N4BP2L1: variants seen among roughly 807,000 people sequenced by gnomAD.
N4BP2L1 encodes NEDD4-binding protein 2-like 1.
Under a neutral mutation model 21.2 loss-of-function variants are expected in N4BP2L1, and 12 were observed. The observed-to-expected ratio is 0.57, with a 90% CI of 0.36 to 0.92. N4BP2L1 has a LOEUF of 0.92. Among genes scored for constraint, N4BP2L1 ranks in the 40% least tolerant of loss-of-function variants. The pLI is 0.01. For missense variants in N4BP2L1, 259 were observed against 310.6 expected (o/e 0.83, Z 1.25); for synonymous variants, 104 against 112.8 (o/e 0.92, Z 0.49).
rs2074814355 is a variant in N4BP2L1, at chr13:32,427,142, G to GGGCC, written c.179+758_179+761dup. The stretch of plus-strand genomic sequence containing the variant: ...TAATTCCCAGAGGTTGGGTACCGGA[G>GGGCC]GGCCGCTTACGCAATTCGCAAGTGA... On this transcript the variant is annotated intron_variant, in intron 1 of 4. Coordinates refer to ENST00000380130, the MANE Select transcript of N4BP2L1 (RefSeq NM_052818.3). Among the ~76,000 whole-genome samples the GGGCC allele has an allele frequency of 2.6e-5, 4 of 152,372 alleles. No individual in the cohort carries two copies. The South Asian group carries it at 8.3e-4, about 32-fold the overall frequency.
intron 3 of N4BP2L1, chr13:32,407,024 A>C: frequency 1.8e-6 from 1 of 549,540 alleles, no homozygotes; most frequent in Non-Finnish European, 3.2e-6. Flanking sequence ...CCATTTGCCA[A>C]GGACTATTTT....
At chr13:32,421,026 A>T (rs1285097156) in intron 1 of N4BP2L1, among the ~76,000 whole-genome samples, 4 of 152,224 alleles carry the variant, frequency 2.6e-5, no homozygotes, top group South Asian at 4.1e-4. Flanking sequence ...TTATGTGAAT[A>T]ATCTGCCCTT....
chr13:32,428,832 C>T (rs1222833081), upstream of N4BP2L1, among the ~76,000 whole-genome samples: 8 of 152,212 alleles, frequency 5.3e-5, no homozygotes, highest in Admixed American at 5.2e-4. Context: ...CTTTCAGATC[C>T]CCGGGGAAAG....
At chr13:32,405,703 C>T (rs1366430051) in intron 3 of N4BP2L1, among the ~76,000 whole-genome samples, 1 of 152,074 alleles carries the variant, frequency 6.6e-6, no homozygotes, top group Non-Finnish European at 1.5e-5. Context: ...CAAAGCCCCA[C>T]AATCTGGGCA....
intron 1 of N4BP2L1, among the ~76,000 whole-genome samples, chr13:32,418,204 C>T (rs368537715): frequency 6.6e-6 from 1 of 152,344 alleles, no homozygotes; most frequent in East Asian, 1.9e-4. Flanking sequence ...CTGGGCCCCC[C>T]TGCTGTGTGC....
intron 1 of N4BP2L1, among the ~76,000 whole-genome samples, chr13:32,423,949 C>T (rs747375209): frequency 2.6e-5 from 4 of 152,154 alleles, no homozygotes; most frequent in Non-Finnish European, 5.9e-5. Context: ...AACCGGAAGG[C>T]ATTTTAACAC....
chr13:32,418,063 C>T (rs1401797054), intron 1 of N4BP2L1, among the ~76,000 whole-genome samples: 1 of 152,174 alleles, frequency 6.6e-6, no homozygotes, highest in African/African-American at 2.4e-5. Flanking sequence ...GCCTAAGTAA[C>T]GAGGAGCCAA....
intron 1 of N4BP2L1, chr13:32,411,885 G>A: frequency 1.7e-6 from 1 of 577,538 alleles, no homozygotes; most frequent in African/African-American, 2.0e-5. Context: ...TTTTTTACTA[G>A]GGAAATTTTC....
intron 4 of N4BP2L1, among the ~76,000 whole-genome samples, 193 bp from the exon 5 acceptor site, chr13:32,403,393 C>T (rs546808330): frequency 6.6e-6 from 1 of 152,156 alleles, no homozygotes; most frequent in African/African-American, 2.4e-5. Context: ...CCCTGCACAC[C>T]CCCAAACCAC....
chr13:32,418,278 T>C (rs1394249228), intron 1 of N4BP2L1, among the ~76,000 whole-genome samples: 1 of 152,218 alleles, frequency 6.6e-6, no homozygotes, highest in Non-Finnish European at 1.5e-5. Flanking sequence ...AAGGGGTCAA[T>C]GTACAGCTCA....
intron 1 of N4BP2L1, chr13:32,425,521 C>T (rs559557329): frequency 6.6e-6 from 1 of 150,748 alleles, no homozygotes; most frequent in South Asian, 2.1e-4. Context: ...GTAACTAACA[C>T]CTCTTAAAAT....
At chr13:32,422,799 G>A (rs1432127717) in intron 1 of N4BP2L1, among the ~76,000 whole-genome samples, 1 of 152,088 alleles carries the variant, frequency 6.6e-6, no homozygotes, top group Non-Finnish European at 1.5e-5. Flanking sequence ...GTGAGGAGAG[G>A]AGATTTAGGA....
chr13:32,413,989 C>T (rs536398925), intron 1 of N4BP2L1, among the ~76,000 whole-genome samples: 6 of 149,328 alleles, frequency 4.0e-5, no homozygotes, highest in African/African-American at 1.5e-4. Context: ...TCAAGCGATT[C>T]TCCTGCCTCA....
At chr13:32,403,818 G>A in intron 4 of N4BP2L1, 2 of 496,938 alleles carry the variant, frequency 4.0e-6, no homozygotes, top group Non-Finnish European at 8.2e-6. Flanking sequence ...TACCTCACTG[G>A]CTATTTTAAG....
At chr13:32,406,098 A>G (rs1481454427) in intron 3 of N4BP2L1, among the ~76,000 whole-genome samples, 1 of 148,352 alleles carries the variant, frequency 6.7e-6, no homozygotes, top group African/African-American at 2.5e-5. Context: ...TTTAGTAGAG[A>G]CGGGGTTTCA....
upstream of N4BP2L1, among the ~76,000 whole-genome samples, chr13:32,429,485 T>G (rs905384284): frequency 1.3e-5 from 2 of 152,238 alleles, no homozygotes; most frequent in Non-Finnish European, 2.9e-5. Context: ...CTATCATAAT[T>G]TGCCCAGCTT....
chr13:32,406,295 G>A (rs2073500025), intron 3 of N4BP2L1, among the ~76,000 whole-genome samples: 1 of 151,976 alleles, frequency 6.6e-6, no homozygotes, highest in Admixed American at 6.6e-5. Context: ...GATGGAATAT[G>A]TATGAAAAAA....
intron 1 of N4BP2L1, among the ~76,000 whole-genome samples, chr13:32,418,271 G>C (rs1375032027): frequency 6.6e-6 from 1 of 152,198 alleles, no homozygotes; most frequent in Non-Finnish European, 1.5e-5. Context: ...TGGCTAAAAG[G>C]GGTCAATGTA....
rs1371123884 is a variant in N4BP2L1, at chr13:32,407,686, G to A, written c.266C>T (p.Pro89Leu). The change falls in exon 2 of 5, where the codon CCT becomes CTT. Residue 89 changes from proline (P) to leucine (L), a missense_variant. By Grantham distance (98) the Pro-to-Leu change is moderately conservative. This residue lies in a region of N4BP2L1 where 91 missense variants were observed against 148.1 expected (regional missense o/e 0.61). Transcript: ENST00000380130. ...TTCATGAGCTTCCTCCAGGAAGTCA[G>A]GATTGAACTCATAGGCACCATCTTC... ...FREDGAYEFN[P>L]DFLEEAHEWN... 1 of 1,614,022 alleles carries A rather than the reference G, an allele frequency of 6.2e-7. No individual in the cohort carries two copies.
Sources: gnomAD v4.1 joint callset for allele counts (sites outside exome capture counted in the v4.1 genomes callset) on GRCh38, gnomAD v4.1.1 for gene constraint, gnomAD v4.1.1 regional missense constraint, MANE v1.5 for transcripts, NCBI Gene and HGNC (gene_info 2026-07-23, HGNC 2026-07-21) for gene names.